The following PCNX2 variants were observed in gnomAD, a reference collection of about 807,000 sequenced individuals.
The protein encoded by PCNX2 is pecanex 2.
In PCNX2, 168 loss-of-function variants were observed where a neutral mutation model predicts 223.8. The ratio of observed to expected loss-of-function variants is 0.75; its 90% confidence interval spans 0.66 to 0.85. The LOEUF is 0.85. Among genes scored for constraint, PCNX2 ranks in the 40% least tolerant of loss-of-function variants. PCNX2 has a pLI of 0.00. For synonymous variants in PCNX2, 1,006 were observed against 1,052.6 expected, an observed-to-expected ratio of 0.96 and a Z score of 0.86; for missense variants, 2,507 against 2,675.5, an observed-to-expected ratio of 0.94 and a Z score of 1.39.
chr1:233,015,921 G>A (rs373041194), intron 27 of PCNX2, among the ~76,000 whole-genome samples: 1 of 151,602 alleles, frequency 6.6e-6, no homozygotes, highest in Non-Finnish European at 1.5e-5. Context: ...GGGAGGGAGA[G>A]TGGGGAGATG....
At chr1:233,025,634 T>A in intron 25 of PCNX2, 1 of 563,166 alleles carries the variant, frequency 1.8e-6, no homozygotes, top group Non-Finnish European at 3.1e-6. Flanking sequence ...TTAAACGATT[T>A]AAAAATTTTT....
intron 15 of PCNX2, among the ~76,000 whole-genome samples, chr1:233,181,418 G>C (rs58213875): frequency 2.6e-5 from 4 of 152,052 alleles, no homozygotes; most frequent in African/African-American, 9.6e-5. Flanking sequence ...GACTGGTTTC[G>C]AACTCCTGAC....
chr1:233,017,169 C>CAAGATTTTGAGTCCT lies in PCNX2; in HGVS notation c.4606-16_4606-15insAGGACTCAAAATCTT. 1.3e-6 allele frequency: 2 copies of CAAGATTTTGAGTCCT among 1,534,480 alleles called. No homozygotes were observed. The highest frequency in any genetic ancestry group is 1.8e-6 in the Non-Finnish European group (2 of 1,119,624). On this transcript the variant is annotated splice_polypyrimidine_tract_variant and intron_variant, in intron 26 of 33. Transcript: ENST00000258229. ...TATATTATACTCTGCAGAGAAAAAGCCAGGAAGATTTTATTTATTAATTTA... is the reference window on the plus strand; with the variant it reads ...TATATTATACTCTGCAGAGAAAAAGCAAGATTTTGAGTCCTCAGGAAGATTTTATTTATTAATTTA...
At chr1:233,078,199 G>C (rs533197148) in intron 23 of PCNX2, among the ~76,000 whole-genome samples, 1 of 152,252 alleles carries the variant, frequency 6.6e-6, no homozygotes, top group East Asian at 1.9e-4. Context: ...TACCTACAGT[G>C]GTCTGCTGTT....
intron 10 of PCNX2, among the ~76,000 whole-genome samples, chr1:233,219,634 A>C (rs184002888): frequency 6.6e-6 from 1 of 152,158 alleles, no homozygotes; most frequent in South Asian, 2.1e-4. Context: ...ATTTAAAAAA[A>C]AATAATAGGA....
intron 19 of PCNX2, among the ~76,000 whole-genome samples, chr1:233,156,162 G>A (rs1046895874): frequency 2.0e-5 from 3 of 152,168 alleles, no homozygotes; most frequent in Admixed American, 6.5e-5. Flanking sequence ...CAATAAATTA[G>A]TCTCAAAGGT....
chr1:233,306,292 T>C, the PCNX2 span, among the ~76,000 whole-genome samples: 1 of 152,222 alleles, frequency 6.6e-6, no homozygotes, highest in East Asian at 1.9e-4. Flanking sequence ...AGGGATAAGT[T>C]AATAATTCAA....
intron 1 of PCNX2, among the ~76,000 whole-genome samples, chr1:233,292,366 C>T (rs1206177993): frequency 2.0e-5 from 3 of 151,856 alleles, no homozygotes; most frequent in African/African-American, 4.8e-5. Context: ...CACCACCACG[C>T]CCAGCTAATT....
At chr1:233,310,850 G>A in the PCNX2 span, among the ~76,000 whole-genome samples, 1 of 152,136 alleles carries the variant, frequency 6.6e-6, no homozygotes, top group Non-Finnish European at 1.5e-5. Flanking sequence ...TCACATGGCA[G>A]GAGAGAAGGC....
At chr1:233,182,722 G>A (rs911367772) in intron 15 of PCNX2, among the ~76,000 whole-genome samples, 3 of 150,928 alleles carry the variant, frequency 2.0e-5, no homozygotes, top group Non-Finnish European at 3.0e-5. Context: ...GGGCTCTTCT[G>A]TCCTGACTCC....
At chr1:233,155,067 CAAAAAAAAAA>C (rs558141357) in intron 19 of PCNX2, among the ~76,000 whole-genome samples, 5 of 94,996 alleles carry the variant, frequency 5.3e-5, no homozygotes, top group Admixed American at 1.1e-4. Context: ...GACTCCGTCT[CAAAAAAAAAA>C]AAAAAAAAAA....
chr1:233,277,761 C>T (rs974023993), intron 1 of PCNX2, among the ~76,000 whole-genome samples: 11 of 151,980 alleles, frequency 7.2e-5, no homozygotes, highest in East Asian at 5.8e-4. Flanking sequence ...GGGCACCGAT[C>T]ATTAGCACAG....
At chr1:233,091,432 C>T (rs1014697017) in intron 22 of PCNX2, among the ~76,000 whole-genome samples, 1 of 150,916 alleles carries the variant, frequency 6.6e-6, no homozygotes, top group Admixed American at 6.6e-5. Context: ...TTTAACATAA[C>T]GTTAAACAAA....
intron 28 of PCNX2, among the ~76,000 whole-genome samples, chr1:233,013,886 T>C (rs1670559764): frequency 6.6e-6 from 1 of 152,182 alleles, no homozygotes; most frequent in Admixed American, 6.5e-5. Context: ...GGTTTTAACG[T>C]GCACGTGGGG....
At chr1:233,174,676 T>C (rs758867813) in intron 17 of PCNX2, among the ~76,000 whole-genome samples, 6 of 151,812 alleles carry the variant, frequency 4.0e-5, no homozygotes, top group African/African-American at 9.7e-5. Context: ...CTGAAGAAAA[T>C]TGATACAGTG....
chr1:233,318,314 C>G, the PCNX2 span, among the ~76,000 whole-genome samples: 1 of 151,230 alleles, frequency 6.6e-6, no homozygotes, highest in African/African-American at 2.4e-5. Flanking sequence ...GACTATTTTT[C>G]CTCACCCCTC....
At chr1:233,239,296 G>A (rs746019076) in intron 8 of PCNX2, among the ~76,000 whole-genome samples, 1 of 152,138 alleles carries the variant, frequency 6.6e-6, no homozygotes, top group Non-Finnish European at 1.5e-5. Flanking sequence ...AATGTGTAAC[G>A]AATGGCTGTT....
chr1:233,202,974 C>T (rs750260854), intron 13 of PCNX2, among the ~76,000 whole-genome samples: 2 of 152,154 alleles, frequency 1.3e-5, no homozygotes, highest in Non-Finnish European at 1.5e-5. Context: ...TAACCCAAAC[C>T]GTTTTACTGG....
At chr1:233,136,935 G>C (rs776440878) in intron 20 of PCNX2, among the ~76,000 whole-genome samples, 1 of 152,148 alleles carries the variant, frequency 6.6e-6, no homozygotes, top group African/African-American at 2.4e-5. Context: ...TGTGACCAAG[G>C]TTCCATGAAC....
Sources: gnomAD v4.1 joint callset for allele counts (sites outside exome capture counted in the v4.1 genomes callset) on GRCh38, gnomAD v4.1.1 for gene constraint, MANE v1.5 for transcripts, NCBI Gene and HGNC (gene_info 2026-07-23, HGNC 2026-07-21) for gene names.